TBC1D5: variants seen among roughly 807,000 people sequenced by gnomAD.
The protein encoded by TBC1D5 is TBC1 domain family, member 5.
Under a neutral mutation model 100.3 loss-of-function variants are expected in TBC1D5, and 75 were observed. The ratio of observed to expected loss-of-function variants is 0.75; its 90% confidence interval spans 0.62 to 0.91. The LOEUF (loss-of-function observed/expected upper bound fraction) is 0.91. Among genes scored for constraint, TBC1D5 ranks in the 40% least tolerant of loss-of-function variants. The pLI is 0.00. For missense variants in TBC1D5, 910 were observed against 942.4 expected (o/e 0.97, Z 0.45); for synonymous variants, 323 against 325.6 (o/e 0.99, Z 0.09).
intron 2 of TBC1D5, among the ~76,000 whole-genome samples, chr3:17,540,409 T>C (rs1444908919): frequency 6.6e-6 from 1 of 152,222 alleles, no homozygotes; most frequent in East Asian, 1.9e-4. Context: ...ATCACTGTCA[T>C]AAAGTTTTTT....
chr3:17,621,545 T>C (rs1478389343), intron 2 of TBC1D5, among the ~76,000 whole-genome samples: 2 of 152,210 alleles, frequency 1.3e-5, no homozygotes, highest in Non-Finnish European at 1.5e-5. Flanking sequence ...GCAATTTGAG[T>C]ACCAAAAGCT....
intron 13 of TBC1D5, among the ~76,000 whole-genome samples, chr3:17,312,782 C>T (rs976528712): frequency 6.8e-4 from 103 of 152,146 alleles, no homozygotes; most frequent in African/African-American, 2.4e-3. Context: ...TTTGTCAGAA[C>T]AACTGTAACA....
intron 2 of TBC1D5, among the ~76,000 whole-genome samples, chr3:17,546,141 C>T (rs569747671): frequency 5.6e-4 from 86 of 152,228 alleles, no homozygotes; most frequent in Middle Eastern, 3.4e-3. Flanking sequence ...AAGTCCAGCA[C>T]AGAAAGAATT....
intron 13 of TBC1D5, among the ~76,000 whole-genome samples, chr3:17,341,260 G>C (rs1318027266): frequency 2.0e-5 from 3 of 151,932 alleles, no homozygotes; most frequent in Non-Finnish European, 4.4e-5. Context: ...GCAGTGGCAT[G>C]ATCTCCGCTC....
chr3:17,252,641 AT>A (rs1219545658), intron 16 of TBC1D5, among the ~76,000 whole-genome samples: 3 of 152,154 alleles, frequency 2.0e-5, no homozygotes, highest in African/African-American at 7.2e-5. Context: ...GCGGCCAATA[AT>A]TCCCCATCTC....
intron 3 of TBC1D5, among the ~76,000 whole-genome samples, chr3:17,441,408 G>C (rs562292441): frequency 6.6e-6 from 1 of 152,186 alleles, no homozygotes; most frequent in Non-Finnish European, 1.5e-5. Context: ...TGAAGATGAA[G>C]GTAATATCTG....
chr3:17,330,538 C>T (rs1321946509), intron 13 of TBC1D5, among the ~76,000 whole-genome samples: 1 of 152,076 alleles, frequency 6.6e-6, no homozygotes, highest in Non-Finnish European at 1.5e-5. Flanking sequence ...CAACACGTGG[C>T]CACGGTTCTT....
In TBC1D5 at chr3:17,719,428, A is replaced by T. The variant is rs1367563875; in HGVS notation, c.-101+19915T>A. On this transcript the variant is annotated intron_variant, in intron 1 of 21. Coordinates refer to ENST00000253692, the Ensembl canonical transcript of TBC1D5. ...CCATTTTGTCCAGTATTATTTTTTTAAATGGACTATTAGATAAACTTAAAA... is the reference window on the plus strand; with the variant it reads ...CCATTTTGTCCAGTATTATTTTTTTTAATGGACTATTAGATAAACTTAAAA... 3.9e-5 allele frequency among the ~76,000 whole-genome samples: 6 copies of T among 152,342 alleles called. No homozygotes were observed. The East Asian group carries it at 5.8e-4, about 15-fold the overall frequency.
intron 1 of TBC1D5, among the ~76,000 whole-genome samples, chr3:17,730,031 A>C (rs1206513233): frequency 1.3e-5 from 2 of 152,054 alleles, no homozygotes; most frequent in Non-Finnish European, 2.9e-5. Context: ...GAATCGCTTG[A>C]ACCAGAGAGG....
chr3:17,584,307 G>C (rs1474749239), intron 2 of TBC1D5, among the ~76,000 whole-genome samples: 1 of 152,182 alleles, frequency 6.6e-6, no homozygotes, highest in Non-Finnish European at 1.5e-5. Flanking sequence ...CAACGCCACG[G>C]AACTGTTCAC....
At chr3:17,199,123 A>T (rs1017887773) in intron 18 of TBC1D5, among the ~76,000 whole-genome samples, 2 of 152,252 alleles carry the variant, frequency 1.3e-5, no homozygotes, top group Non-Finnish European at 2.9e-5. Context: ...CTGGCAAAAA[A>T]ATTAGGACTG....
At chr3:17,164,813 A>C (rs1333939458) in intron 21 of TBC1D5, among the ~76,000 whole-genome samples, 1 of 152,216 alleles carries the variant, frequency 6.6e-6, no homozygotes, top group Non-Finnish European at 1.5e-5. Context: ...CTTCTTTCTG[A>C]CTTGCTTGCT....
intron 14 of TBC1D5, among the ~76,000 whole-genome samples, chr3:17,303,345 A>G (rs2083051986): frequency 6.6e-6 from 1 of 152,216 alleles, no homozygotes; most frequent in Non-Finnish European, 1.5e-5. Flanking sequence ...TCATCTATGT[A>G]CCATATACTG....
intron 1 of TBC1D5, among the ~76,000 whole-genome samples, chr3:17,706,859 CTTTT>C (rs201583617): frequency 6.8e-6 from 1 of 147,398 alleles, no homozygotes; most frequent in African/African-American, 2.5e-5. Context: ...TAAGAAAGAC[CTTTT>C]TTTTTTAAAA....
chr3:17,658,453 G>A (rs1362560528), intron 1 of TBC1D5, among the ~76,000 whole-genome samples: 5 of 152,116 alleles, frequency 3.3e-5, no homozygotes, highest in Non-Finnish European at 7.4e-5. Context: ...AATCTCATGA[G>A]ATGAAGCTTC....
At chr3:17,451,495 G>C (rs1459952879) in intron 3 of TBC1D5, among the ~76,000 whole-genome samples, 1 of 152,074 alleles carries the variant, frequency 6.6e-6, no homozygotes, top group Non-Finnish European at 1.5e-5. Context: ...AAAAAAGTCA[G>C]GAAACAACAG....
At chr3:17,736,929 C>G (rs1324593130) in intron 1 of TBC1D5, among the ~76,000 whole-genome samples, 1 of 152,128 alleles carries the variant, frequency 6.6e-6, no homozygotes, top group Non-Finnish European at 1.5e-5. Context: ...AGGAGAATCA[C>G]TTGAACCCAG....
At chr3:17,702,924 G>A (rs1281896852) in intron 1 of TBC1D5, among the ~76,000 whole-genome samples, 1 of 152,056 alleles carries the variant, frequency 6.6e-6, no homozygotes, top group African/African-American at 2.4e-5. Context: ...GAGGGGTAAG[G>A]TCTTTAAATA....
intron 15 of TBC1D5, among the ~76,000 whole-genome samples, chr3:17,263,367 A>AG (rs1491163136): frequency 2.5e-5 from 1 of 39,832 alleles, no homozygotes; most frequent in African/African-American, 1.3e-4. Flanking sequence ...CCCTGTCTCC[A>AG]AAAAAAAAAA....
Sources: allele counts gnomAD v4.1 joint callset (sites outside exome capture counted in the v4.1 genomes callset), GRCh38; gene constraint gnomAD v4.1.1; transcripts MANE v1.5; gene names NCBI Gene and HGNC (gene_info 2026-07-23, HGNC 2026-07-21).